RIMS2: variants seen among roughly 807,000 people sequenced by gnomAD.
RIMS2 encodes regulating synaptic membrane exocytosis 2.
Under a neutral mutation model 174.4 loss-of-function variants are expected in RIMS2, and 59 were observed. The observed-to-expected ratio is 0.34, with a 90% CI of 0.27 to 0.42. The LOEUF is 0.42. Ranked by LOEUF, RIMS2 falls within the 10% of genes least tolerant of loss-of-function variation. RIMS2 has a pLI of 1.00. For synonymous variants in RIMS2, 606 were observed against 572.5 expected (o/e 1.06, Z -0.84); for missense variants, 1,620 against 1,666.3 (o/e 0.97, Z 0.48).
intron 1 of RIMS2, among the ~76,000 whole-genome samples, chr8:103,502,202 CTG>C (rs1820561537): frequency 1.3e-5 from 2 of 152,142 alleles, no homozygotes; most frequent in South Asian, 4.1e-4. Context: ...TAGAGTTCCT[CTG>C]TGAAGGAACT....
At chr8:103,964,305 T>C (rs1327907227) in intron 15 of RIMS2, among the ~76,000 whole-genome samples, 2 of 152,190 alleles carry the variant, frequency 1.3e-5, no homozygotes, top group Admixed American at 1.3e-4. Context: ...GAATGAGAGC[T>C]CCTGTTGTTC....
At chr8:103,608,997 C>T (rs571187225) in intron 1 of RIMS2, among the ~76,000 whole-genome samples, 17 of 152,320 alleles carry the variant, frequency 1.1e-4, no homozygotes, top group African/African-American at 3.6e-4. Context: ...TGTTCCTATT[C>T]GGCCATCTTG....
intron 2 of RIMS2, among the ~76,000 whole-genome samples, chr8:103,721,490 T>C (rs1302475248): frequency 1.3e-5 from 2 of 152,334 alleles, no homozygotes; most frequent in Admixed American, 1.3e-4. Flanking sequence ...GTTGAAGTTT[T>C]ATAGAAGATG....
At chr8:103,979,783 G>C (rs2093739084) in intron 16 of RIMS2, among the ~76,000 whole-genome samples, 1 of 152,210 alleles carries the variant, frequency 6.6e-6, no homozygotes, top group Admixed American at 6.5e-5. Context: ...GGGAGAGGAA[G>C]AGCGCAGTGA....
intron 3 of RIMS2, among the ~76,000 whole-genome samples, chr8:103,881,076 A>AT (rs1234406417): frequency 6.6e-6 from 1 of 151,390 alleles, no homozygotes; most frequent in African/African-American, 2.4e-5. Context: ...TAAAGTAACA[A>AT]TTTTTTAATG....
At chr8:103,954,718 CAA>C (rs1250822645) in intron 14 of RIMS2, among the ~76,000 whole-genome samples, 1 of 148,006 alleles carries the variant, frequency 6.8e-6, no homozygotes, top group African/African-American at 2.4e-5. Flanking sequence ...CAAACAAATC[CAA>C]AAGCTAGCAG....
chr8:103,893,212 G>A (rs965924183), intron 4 of RIMS2, among the ~76,000 whole-genome samples: 9 of 151,978 alleles, frequency 5.9e-5, no homozygotes, highest in Non-Finnish European at 1.3e-4. Context: ...CATGAAATAA[G>A]ATAGCATTTT....
At chr8:104,167,907 A>G (rs946667355) in intron 19 of RIMS2, among the ~76,000 whole-genome samples, 1 of 152,018 alleles carries the variant, frequency 6.6e-6, no homozygotes, top group Non-Finnish European at 1.5e-5. Flanking sequence ...TTCCAGCACC[A>G]TTTATTGAAT....
chr8:103,747,979 A>G (rs1013217982), intron 2 of RIMS2, among the ~76,000 whole-genome samples: 1 of 152,134 alleles, frequency 6.6e-6, no homozygotes, highest in African/African-American at 2.4e-5. Context: ...TTACATTTGG[A>G]GTAGGTCAGA....
At chr8:104,102,752 CATGAG>C (rs2097928658) in intron 19 of RIMS2, among the ~76,000 whole-genome samples, 1 of 152,176 alleles carries the variant, frequency 6.6e-6, no homozygotes, top group Non-Finnish European at 1.5e-5. Context: ...CATCAGATCT[CATGAG>C]ATTTATTCAC....
At chr8:103,529,391 T>C (rs1835825235) in intron 1 of RIMS2, among the ~76,000 whole-genome samples, 1 of 152,174 alleles carries the variant, frequency 6.6e-6, no homozygotes. Context: ...GTGCTAGCAA[T>C]GAGCGAGGCT....
intron 19 of RIMS2, among the ~76,000 whole-genome samples, chr8:104,072,156 C>T (rs2097207524): frequency 6.6e-6 from 1 of 152,206 alleles, no homozygotes. Context: ...ACCTATCTCC[C>T]CATCATCTGA....
intron 19 of RIMS2, among the ~76,000 whole-genome samples, chr8:104,025,027 A>C (rs919429336): frequency 3.3e-5 from 5 of 152,170 alleles, no homozygotes; most frequent in African/African-American, 1.2e-4. Context: ...GGGTGGAGAA[A>C]ATCAAGTGTA....
At chr8:103,896,168 T>C (rs752742655) in intron 4 of RIMS2, among the ~76,000 whole-genome samples, 11 of 151,680 alleles carry the variant, frequency 7.3e-5, no homozygotes, top group Non-Finnish European at 1.3e-4. Context: ...TCACCCTTTG[T>C]TGGACCACGC....
intron 2 of RIMS2, among the ~76,000 whole-genome samples, chr8:103,702,653 T>G (rs2097179384): frequency 6.6e-6 from 1 of 152,164 alleles, no homozygotes; most frequent in Non-Finnish European, 1.5e-5. Flanking sequence ...GAACCATTTG[T>G]TTAAGAGACA....
chr8:104,000,767 T>A (rs947703235), intron 17 of RIMS2, among the ~76,000 whole-genome samples: 1 of 151,986 alleles, frequency 6.6e-6, no homozygotes, highest in Non-Finnish European at 1.5e-5. Flanking sequence ...CTGGGTGAAA[T>A]GATATCTCAT....
chr8:103,846,002 T>C (rs2098966038), intron 3 of RIMS2, among the ~76,000 whole-genome samples: 1 of 152,126 alleles, frequency 6.6e-6, no homozygotes. Flanking sequence ...AAACAAACCA[T>C]TCTTAAACTA....
intron 4 of RIMS2, among the ~76,000 whole-genome samples, chr8:103,908,112 G>T (rs1020492586): frequency 6.6e-6 from 1 of 151,892 alleles, no homozygotes; most frequent in Non-Finnish European, 1.5e-5. Flanking sequence ...CGCAATCTCA[G>T]CTCACTGCAA....
Position 103,742,787 on chromosome 8 carries a change from A to G in RIMS2, c.388-23440A>G, listed in dbSNP as rs1199860208. 2.0e-5 allele frequency among the ~76,000 whole-genome samples: 3 copies of G among 152,176 alleles called. No homozygotes were observed. In the East Asian group the frequency reaches 5.8e-4, roughly 29 times the overall value. On this transcript the variant is annotated intron_variant, in intron 2 of 23. Coordinates refer to ENST00000504942, the Ensembl canonical transcript of RIMS2. ...TCTTTAACAACGATGCCTCAAGGGC[A>G]GAATCTCTCAGGGGCTCTCTGGAGC...
Sources: allele counts gnomAD v4.1 joint callset (sites outside exome capture counted in the v4.1 genomes callset), GRCh38; gene constraint gnomAD v4.1.1; transcripts MANE v1.5; gene names NCBI Gene and HGNC (gene_info 2026-07-23, HGNC 2026-07-21).